The following MAP3K5 variants were observed in gnomAD, a reference collection of about 807,000 sequenced individuals.
MAP3K5 encodes the protein ASK-1.
In MAP3K5, 56 loss-of-function variants were observed where a neutral mutation model predicts 158.7. That is an observed-to-expected ratio of 0.35 (90% confidence interval 0.28 to 0.44). The LOEUF is 0.44. Among genes scored for constraint, MAP3K5 ranks in the 20% least tolerant of loss-of-function variants. The pLI is 1.00. For synonymous variants in MAP3K5, 579 were observed against 601.7 expected (o/e 0.96, Z 0.55); for missense variants, 1,294 against 1,674.8 (o/e 0.77, Z 3.97).
chr6:136,590,476 A>G lies in MAP3K5; in HGVS notation c.3225+1697T>C, dbSNP rs752279816. ...GTTGTTTCCTTCTAACCTTGATGAG[A>G]AAAAAAAGAATTGATTCCTGGTAGG... On this transcript the variant is annotated intron_variant, in intron 23 of 29. Coordinates refer to ENST00000359015, the MANE Select transcript of MAP3K5 (RefSeq NM_005923.4). 2.6e-5 allele frequency among the ~76,000 whole-genome samples: 4 copies of G among 151,908 alleles called. No homozygotes were observed. In the East Asian group the frequency reaches 5.8e-4, roughly 22 times the overall value.
intron 1 of MAP3K5, among the ~76,000 whole-genome samples, chr6:136,772,604 A>C (rs1784251649): frequency 6.6e-6 from 1 of 152,174 alleles, no homozygotes; most frequent in Admixed American, 6.5e-5. Context: ...GCAGCCCTCC[A>C]CTGAGGAGGG....
chr6:136,778,653 A>C (rs1247453822), intron 1 of MAP3K5, among the ~76,000 whole-genome samples: 1 of 152,222 alleles, frequency 6.6e-6, no homozygotes, highest in Non-Finnish European at 1.5e-5. Flanking sequence ...CAATCTTTTC[A>C]AATAGAAAAT....
chr6:136,792,505 G>C (rs1400398542), upstream of MAP3K5: 1 of 463,156 alleles, frequency 2.2e-6, no homozygotes, highest in East Asian at 1.6e-4. This position sits in a 1 kb window ranked among gnomAD's most constrained non-coding sequence, Gnocchi z 5.7. Context: ...TGCAGCTCAA[G>C]GGCGCCGCGC....
At position 136,567,799 on chromosome 6, in the gene MAP3K5, T is replaced by C. The variant is rs745309811; in HGVS notation, c.3593A>G (p.His1198Arg). 1 of 1,614,178 alleles carries C rather than the reference T, an allele frequency of 6.2e-7. No individual in the cohort carries two copies. Among genetic ancestry groups the C allele is most frequent in the Non-Finnish European group, 8.5e-7 (1 of 1,180,038 alleles). ...DQEDLDVEDD[H>R]EEQPSNQTVR... ...AGTTTGATTTGAAGGCTGTTCCTCA[T>C]GGTCATCTTCTACATCCAAGTCTTC... The change falls in exon 26 of 30, where the codon CAT (histidine) becomes CGT (arginine). Residue 1198 changes from histidine to arginine, a missense_variant. Coordinates refer to ENST00000359015, the MANE Select transcript of MAP3K5 (RefSeq NM_005923.4).
At chr6:136,737,223 C>G (rs996188416) in intron 1 of MAP3K5, among the ~76,000 whole-genome samples, 17 of 147,450 alleles carry the variant, frequency 1.2e-4, no homozygotes, top group African/African-American at 3.5e-4. Context: ...GGAATAGACA[C>G]TGGGGATACT....
At position 136,778,281 on chromosome 6, in the gene MAP3K5, T is replaced by C. The variant is rs549647502; in HGVS notation, c.448+13429A>G. 1.7e-3 allele frequency among the ~76,000 whole-genome samples: 256 copies of C among 152,320 alleles called. 1 individual carries two copies. The highest frequency in any genetic ancestry group is 6.0e-3 in the African/African-American group (249 of 41,572). On this transcript the variant is annotated intron_variant, in intron 1 of 29. Transcript: ENST00000359015. Reference sequence around the variant, plus strand: ...AAAAAATAAGTGGGGGTCTAATGCATATTATACTATTGTGAAAGATTTTTA... The same window carrying C: ...AAAAAATAAGTGGGGGTCTAATGCACATTATACTATTGTGAAAGATTTTTA...
intron 10 of MAP3K5, among the ~76,000 whole-genome samples, chr6:136,654,341 G>C (rs1022988414): frequency 3.3e-5 from 5 of 151,270 alleles, no homozygotes; most frequent in Non-Finnish European, 7.4e-5. Context: ...GAGTCCAATG[G>C]GCAAAAAAAT....
chr6:136,771,066 G>A (rs1398215467), intron 1 of MAP3K5, among the ~76,000 whole-genome samples: 4 of 152,152 alleles, frequency 2.6e-5, no homozygotes, highest in Admixed American at 1.3e-4. Context: ...ATGAAAGTAC[G>A]TTTGAGGCTC....
At chr6:136,728,306 G>A (rs1419390517) in intron 1 of MAP3K5, among the ~76,000 whole-genome samples, 1 of 152,070 alleles carries the variant, frequency 6.6e-6, no homozygotes, top group Non-Finnish European at 1.5e-5. Context: ...GAAGAGTTGA[G>A]GGAAGATGTT....
intron 8 of MAP3K5, 40 bp from the exon 9 acceptor site, chr6:136,659,418 C>A (rs374775484): frequency 7.6e-6 from 12 of 1,586,436 alleles, no homozygotes; most frequent in Non-Finnish European, 1.0e-5. Flanking sequence ...CAAATGCACC[C>A]CACACAGGTA....
intron 1 of MAP3K5, among the ~76,000 whole-genome samples, chr6:136,749,841 C>T (rs1032423676): frequency 7.2e-5 from 11 of 152,076 alleles, no homozygotes; most frequent in African/African-American, 2.7e-4. Context: ...TATGGAGGAA[C>T]CTGGGGCAGG....
At chr6:136,664,630 T>C (rs574019616) in intron 8 of MAP3K5, among the ~76,000 whole-genome samples, 2 of 152,330 alleles carry the variant, frequency 1.3e-5, no homozygotes, top group East Asian at 3.9e-4. Flanking sequence ...AGATTCAAGT[T>C]AAACATTTTT....
intron 7 of MAP3K5, among the ~76,000 whole-genome samples, chr6:136,682,449 T>C (rs773862119): frequency 1.3e-5 from 2 of 152,218 alleles, no homozygotes; most frequent in Non-Finnish European, 2.9e-5. Flanking sequence ...TAGTTTGTTA[T>C]ATAACTCTTC....
At chr6:136,598,905 G>A (rs1775750216) in intron 21 of MAP3K5, among the ~76,000 whole-genome samples, 1 of 152,142 alleles carries the variant, frequency 6.6e-6, no homozygotes, top group African/African-American at 2.4e-5. Flanking sequence ...GCAAGGCATG[G>A]TGGCACATGT....
chr6:136,571,972 T>C (rs1294294221), intron 25 of MAP3K5, among the ~76,000 whole-genome samples: 2 of 152,198 alleles, frequency 1.3e-5, no homozygotes, highest in Non-Finnish European at 2.9e-5. Context: ...TATTCCAAAA[T>C]CCCATTTCTT....
At chr6:136,789,947 C>A (rs1257578734) in intron 1 of MAP3K5, among the ~76,000 whole-genome samples, 2 of 152,080 alleles carry the variant, frequency 1.3e-5, no homozygotes, top group African/African-American at 4.8e-5. Context: ...CCGCCTTGGC[C>A]TCCGAAAGTG....
intron 1 of MAP3K5, among the ~76,000 whole-genome samples, chr6:136,779,393 T>C (rs920365606): frequency 6.8e-6 from 1 of 146,000 alleles, no homozygotes; most frequent in African/African-American, 2.6e-5. Flanking sequence ...CAGTGAGCCA[T>C]GATCATGCCA....
chr6:136,614,296 A>G lies in MAP3K5; in HGVS notation c.2151-10T>C, dbSNP rs1439405629. 2 of 1,610,592 alleles carry G rather than the reference A, an allele frequency of 1.2e-6. No homozygotes were observed. The highest frequency in any genetic ancestry group is 2.2e-5 in the South Asian group (2 of 90,796). On this transcript the variant is annotated splice_polypyrimidine_tract_variant and intron_variant, in intron 15 of 29. Transcript: ENST00000359015. The stretch of plus-strand genomic sequence containing the variant: ...CAGGGGCTGAGAGTATCTAAAAGAC[A>G]TGCAATTGTCAATGAGTTAATTATG...
intron 1 of MAP3K5, among the ~76,000 whole-genome samples, chr6:136,730,495 G>A (rs543288091): frequency 1.8e-4 from 28 of 152,084 alleles, no homozygotes; most frequent in Non-Finnish European, 3.7e-4. Flanking sequence ...GCAGAGGCGG[G>A]TAGATCACGA....
Sources: gnomAD v4.1 joint callset for allele counts (sites outside exome capture counted in the v4.1 genomes callset) on GRCh38, gnomAD v4.1.1 for gene constraint, Gnocchi (gnomAD v3.1) non-coding constraint, MANE v1.5 for transcripts, NCBI Gene and HGNC (gene_info 2026-07-23, HGNC 2026-07-21) for gene names.